The following VPS13B variants were observed in gnomAD, a reference collection of about 807,000 sequenced individuals.
VPS13B encodes intermembrane lipid transfer protein VPS13B.
VPS13B carries 285 observed loss-of-function variants against 426.4 expected under a neutral mutation model. The ratio of observed to expected loss-of-function variants is 0.67; its 90% confidence interval spans 0.61 to 0.74. The LOEUF (loss-of-function observed/expected upper bound fraction) is 0.74. VPS13B is among the 30% of genes least tolerant of loss of function. VPS13B has a pLI of 0.00. For missense variants in VPS13B, 4,537 were observed against 4,782.6 expected, an observed-to-expected ratio of 0.95 and a Z score of 1.51; for synonymous variants, 1,676 against 1,676.4, an observed-to-expected ratio of 1.00 and a Z score of 0.01.
At chr8:99,734,899 T>A (rs924566811) in intron 39 of VPS13B, among the ~76,000 whole-genome samples, 1 of 152,116 alleles carries the variant, frequency 6.6e-6, no homozygotes, top group Non-Finnish European at 1.5e-5. Flanking sequence ...AATGACTAGA[T>A]GGATGGAAAA....
At position 99,717,232 on chromosome 8, in the gene VPS13B, C is replaced by G. The variant is rs1308542502; in HGVS notation, c.6516C>G (p.Leu2172=). 1.2e-6 allele frequency: 2 copies of G among 1,613,892 alleles called. No homozygotes were observed. The highest frequency in any genetic ancestry group is 2.2e-5 in the South Asian group (2 of 91,068). ...ACGATTTTCTCCTTAAAACAAGTCT[C>G]AAAGAAAGAAGCCGCATTCTGATAG... The part of the protein sequence containing the change: ...SINDFLLKTS[L]KERSRILIGP... The change falls in exon 37 of 62, where the codon CTC becomes CTG. Residue 2172 remains leucine (L), a synonymous_variant. Transcript: ENST00000357162.
chr8:99,363,183 G>A (rs1265308192), intron 19 of VPS13B, among the ~76,000 whole-genome samples: 2 of 152,088 alleles, frequency 1.3e-5, no homozygotes, highest in African/African-American at 2.4e-5. Flanking sequence ...TTTGCATATG[G>A]CAAGAGATAG....
intron 35 of VPS13B, among the ~76,000 whole-genome samples, chr8:99,677,238 G>C (rs1830976828): frequency 6.6e-6 from 1 of 152,110 alleles, no homozygotes; most frequent in South Asian, 2.1e-4. Flanking sequence ...TTGGGCTAAG[G>C]CCTATACCTT....
chr8:99,802,364 TAGG>T (rs1813169767), intron 43 of VPS13B, among the ~76,000 whole-genome samples: 1 of 152,172 alleles, frequency 6.6e-6, no homozygotes, highest in Non-Finnish European at 1.5e-5. Context: ...TGGCTTTCAT[TAGG>T]AGGTTGAACT....
chr8:99,835,700 T>G lies in VPS13B; in HGVS notation c.9904T>G (p.Trp3302Gly), dbSNP rs1815354846. 1.2e-6 allele frequency: 2 copies of G among 1,614,122 alleles called. No homozygotes were observed. Among genetic ancestry groups the G allele is most frequent in the East Asian group, 2.2e-5 (1 of 44,868 alleles). ...ACCTCTAGATGAAGTAACAACTGAG[T>G]GGAGTGATGCCATTGACATCAACAG... ...VEPLDEVTTE[W>G]SDAIDINSQG... Residue 3302 changes from tryptophan (W) to glycine (G), a missense_variant, in exon 54 of 62, where the codon TGG becomes GGG. Coordinates refer to ENST00000357162, the MANE Select transcript of VPS13B (RefSeq NM_152564.5).
At chr8:99,522,126 A>G (rs1159900042) in intron 30 of VPS13B, among the ~76,000 whole-genome samples, 2 of 152,188 alleles carry the variant, frequency 1.3e-5, no homozygotes, top group African/African-American at 4.8e-5. Context: ...CTGGTGAAAG[A>G]GTAACAGAGC....
intron 61 of VPS13B, among the ~76,000 whole-genome samples, chr8:99,874,301 T>C (rs914242408): frequency 2.6e-5 from 4 of 152,240 alleles, no homozygotes; most frequent in African/African-American, 9.6e-5. Flanking sequence ...GGCTTTTGCC[T>C]GGTGGTGCAG....
chr8:99,511,012 A>G, intron 28 of VPS13B, 92 bp from the exon 29 acceptor site: 2 of 1,436,602 alleles, frequency 1.4e-6, no homozygotes, highest in East Asian at 2.3e-5. Flanking sequence ...CCAAGAGGTA[A>G]AAATACTCAC....
chr8:99,811,377 T>A (rs1023273741), intron 44 of VPS13B, among the ~76,000 whole-genome samples: 2 of 152,196 alleles, frequency 1.3e-5, no homozygotes, highest in Non-Finnish European at 2.9e-5. Context: ...AGCTATTGTG[T>A]TTCCCCTTGG....
At chr8:99,255,976 C>T (rs1282577696) in intron 17 of VPS13B, among the ~76,000 whole-genome samples, 2 of 152,114 alleles carry the variant, frequency 1.3e-5, no homozygotes, top group Non-Finnish European at 2.9e-5. Context: ...CTAGGCTTCC[C>T]ACTTGATCTT....
At chr8:99,126,656 A>C (rs1044089102) in intron 8 of VPS13B, among the ~76,000 whole-genome samples, 1 of 152,214 alleles carries the variant, frequency 6.6e-6, no homozygotes, top group African/African-American at 2.4e-5. Context: ...TTGATTTATG[A>C]GTCTAAGAAA....
chr8:99,843,112 C>G (rs986720715), intron 54 of VPS13B, among the ~76,000 whole-genome samples: 1 of 152,152 alleles, frequency 6.6e-6, no homozygotes, highest in African/African-American at 2.4e-5. Context: ...CATGATCGTG[C>G]CACTTCACTC....
At position 99,156,717 on chromosome 8, in the gene VPS13B, T is replaced by C; in HGVS notation, c.2182T>C (p.Tyr728His). ...LTQPSDNLLH[Y>H]CYVHCYLKIF... ...TCAACCTTCTGATAACCTGCTTCAT[T>C]ATTGTTATGTACACTGCTATCTTAA... is the stretch of plus-strand genomic sequence containing the variant. The change falls in exon 15 of 62, where the codon TAT becomes CAT. Residue 728 changes from tyrosine to histidine, a missense_variant. Around this residue, in one of 2 missense-constraint regions of VPS13B, gnomAD observed 4,311 missense variants for 4,474.3 expected, o/e 0.96. Coordinates refer to ENST00000357162, the MANE Select transcript of VPS13B (RefSeq NM_152564.5). 2 of 1,614,064 alleles carry C rather than the reference T, an allele frequency of 1.2e-6. No homozygotes were observed. The highest frequency in any genetic ancestry group is 8.5e-7 in the Non-Finnish European group (1 of 1,179,914).
chr8:99,819,673 T>A, intron 48 of VPS13B, 91 bp downstream of exon 48: 1 of 1,406,208 alleles, frequency 7.1e-7, no homozygotes. Flanking sequence ...AAGTGGTGTG[T>A]GCATGTATCT....
intron 23 of VPS13B, among the ~76,000 whole-genome samples, chr8:99,457,219 T>C (rs1266194473): frequency 6.6e-6 from 1 of 151,618 alleles, no homozygotes; most frequent in Non-Finnish European, 1.5e-5. Context: ...TTTAGTAGAG[T>C]TGGGGTTTCA....
At chr8:99,392,978 G>C (rs1161677729) in intron 21 of VPS13B, among the ~76,000 whole-genome samples, 1 of 151,880 alleles carries the variant, frequency 6.6e-6, no homozygotes, top group East Asian at 1.9e-4. Context: ...TTAAGAGTTA[G>C]AGTTTAGGTT....
At chr8:99,610,344 T>C (rs1265968391) in intron 33 of VPS13B, among the ~76,000 whole-genome samples, 1 of 152,156 alleles carries the variant, frequency 6.6e-6, no homozygotes, top group Non-Finnish European at 1.5e-5. Context: ...CCAACCCAAA[T>C]GCCCATCAAT....
chr8:99,696,122 T>A, intron 35 of VPS13B: 1 of 161,558 alleles, frequency 6.2e-6, no homozygotes, highest in South Asian at 1.7e-4. Flanking sequence ...GAGAGTGCCA[T>A]GGACCTCTGC....
At chr8:99,708,281 G>T (rs1832569786) in intron 36 of VPS13B, among the ~76,000 whole-genome samples, 1 of 152,072 alleles carries the variant, frequency 6.6e-6, no homozygotes, top group African/African-American at 2.4e-5. Context: ...GGGGAAGAAA[G>T]AGGCAAAGCA....
Sources: gnomAD v4.1 joint callset for allele counts (sites outside exome capture counted in the v4.1 genomes callset) on GRCh38, gnomAD v4.1.1 for gene constraint, gnomAD v4.1.1 regional missense constraint, MANE v1.5 for transcripts, NCBI Gene and HGNC (gene_info 2026-07-23, HGNC 2026-07-21) for gene names.